Variants in TTLL11 observed in about 807,000 individuals in gnomAD.
The protein encoded by TTLL11 is tubulin tyrosine ligase like 11, also known as tubulin polyglutamylase TTLL11.
Under a neutral mutation model 51.7 loss-of-function variants are expected in TTLL11, and 42 were observed. That is an observed-to-expected ratio of 0.81 (90% CI 0.64 to 1.05). The LOEUF is 1.05. Among genes scored for constraint, TTLL11 ranks in the 50% least tolerant of loss-of-function variants. The probability of loss-of-function intolerance (pLI) is 0.00; values close to 1 mark genes in which losing one functional copy is unlikely to be tolerated. For missense variants in TTLL11, 799 were observed against 940.4 expected (o/e 0.85, Z 1.97); for synonymous variants, 381 against 383.5 (o/e 0.99, Z 0.08).
chr9:121,860,527 T>A (rs1047812731), intron 7 of TTLL11, 84 bp from the exon 8 acceptor site: 3 of 1,108,440 alleles, frequency 2.7e-6, no homozygotes, highest in Non-Finnish European at 3.9e-6. Context: ...AGGGACTGAA[T>A]GTTTGTCCTC....
At chr9:121,886,412 G>A (rs891990447) in intron 6 of TTLL11, among the ~76,000 whole-genome samples, 7 of 152,206 alleles carry the variant, frequency 4.6e-5, no homozygotes, top group African/African-American at 1.7e-4. Context: ...TTATAGGAGA[G>A]AGATAGAGGG....
intron 8 of TTLL11, among the ~76,000 whole-genome samples, chr9:121,846,936 C>T (rs1318973331): frequency 1.3e-5 from 2 of 152,086 alleles, no homozygotes; most frequent in African/African-American, 2.4e-5. Flanking sequence ...CAAGGCCGGG[C>T]CCGGTGGCTC....
Position 121,860,349 on chromosome 9 carries a change from G to A in TTLL11, c.1828C>T (p.Gln610Ter). The change falls in exon 8 of 9, where the codon CAG becomes TAG. Residue 610 changes from glutamine to a stop codon, truncating the protein, a stop_gained. Coordinates refer to ENST00000321582, the MANE Select transcript of TTLL11 (RefSeq NM_001139442.2). LOFTEE classifies it low-confidence loss of function (END_TRUNC). ...TRRWNSMTLDQRDSGMCLQAF... is the reference protein window; with the variant it reads ...TRRWNSMTLD ...ATTTGTCAAATACCTGAGTCCCGCT[G>A]GTCCAGGGTCATGGAGTTCCACCTC... The A allele has an allele frequency of 1.3e-6, 2 of 1,551,280 alleles. No homozygotes were observed. Among genetic ancestry groups the A allele is most frequent in the Non-Finnish European group, 1.7e-6 (2 of 1,146,798 alleles).
intron 6 of TTLL11, among the ~76,000 whole-genome samples, chr9:121,922,470 C>A (rs1840579331): frequency 6.6e-6 from 1 of 152,154 alleles, no homozygotes; most frequent in Non-Finnish European, 1.5e-5. Context: ...TGATAACTAC[C>A]TTGAGAGCAA....
intron 6 of TTLL11, among the ~76,000 whole-genome samples, chr9:121,926,415 A>C (rs757736923): frequency 2.6e-5 from 4 of 152,240 alleles, no homozygotes; most frequent in Non-Finnish European, 4.4e-5. Context: ...GTTCACTGCC[A>C]CAAGGCTTGC....
intron 6 of TTLL11, among the ~76,000 whole-genome samples, chr9:121,887,323 T>G (rs527515904): frequency 1.3e-5 from 2 of 151,572 alleles, no homozygotes; most frequent in South Asian, 4.2e-4. Context: ...GCGGTGAGAG[T>G]GGGTGGAGGT....
At chr9:121,918,168 G>A (rs974444244) in intron 6 of TTLL11, among the ~76,000 whole-genome samples, 1 of 152,186 alleles carries the variant, frequency 6.6e-6, no homozygotes, top group Non-Finnish European at 1.5e-5. Flanking sequence ...GGTTACTGGA[G>A]AGGAATCAGT....
chr9:121,966,245 A>G (rs538322503), intron 6 of TTLL11, among the ~76,000 whole-genome samples: 2 of 152,312 alleles, frequency 1.3e-5, no homozygotes, highest in East Asian at 3.9e-4. Flanking sequence ...TATATAAGTC[A>G]TGTTCCAAAT....
intron 8 of TTLL11, among the ~76,000 whole-genome samples, chr9:121,826,523 ATATATGTGTG>A (rs1836792933): frequency 3.2e-5 from 2 of 63,454 alleles, no homozygotes; most frequent in African/African-American, 1.1e-4. Context: ...ATGTATATAT[ATATATGTGTG>A]TGTGTATATA....
chr9:121,955,846 G>GA (rs1301603332), intron 6 of TTLL11, among the ~76,000 whole-genome samples: 1 of 152,182 alleles, frequency 6.6e-6, no homozygotes, highest in Non-Finnish European at 1.5e-5. Context: ...TTTTCTGAGG[G>GA]AAAATAGAGC....
intron 3 of TTLL11, among the ~76,000 whole-genome samples, chr9:122,001,185 T>C (rs1843452399): frequency 6.6e-6 from 1 of 152,184 alleles, no homozygotes; most frequent in African/African-American, 2.4e-5. Context: ...AACTGCGGCC[T>C]CCGAGGTTCA....
At chr9:121,991,601 A>G (rs1473536072) in intron 3 of TTLL11, among the ~76,000 whole-genome samples, 1 of 152,236 alleles carries the variant, frequency 6.6e-6, no homozygotes, top group Admixed American at 6.5e-5. Flanking sequence ...AGCTTTTGCT[A>G]TGCCGAAGAC....
Position 121,939,164 on chromosome 9 carries a change from GACTGCTGTATAA to G in TTLL11, c.1481+34833_1481+34844del, listed in dbSNP as rs1841349212. 3.3e-5 allele frequency among the ~76,000 whole-genome samples: 5 copies of G among 152,264 alleles called. No homozygotes were observed. The East Asian group carries it at 9.6e-4, about 29-fold the overall frequency. On this transcript the variant is annotated intron_variant, in intron 6 of 8. Transcript: ENST00000321582. ...TAGTAACAGTAACCTAATGAAGAGG[GACTGCTGTATAA>G]TATTTCCTTTAATAAACCCTAGTAT...
At chr9:122,001,705 G>A (rs981985071) in intron 3 of TTLL11, among the ~76,000 whole-genome samples, 3 of 152,030 alleles carry the variant, frequency 2.0e-5, no homozygotes, top group African/African-American at 7.3e-5. Flanking sequence ...AAAGAGAACT[G>A]GCTGGAAACC....
rs1846320145 is a variant in TTLL11, at chr9:122,093,221, C to A, written c.-73G>T. 1 of 1,493,988 alleles carries A rather than the reference C, an allele frequency of 6.7e-7. No homozygotes were observed. Among genetic ancestry groups the A allele is most frequent in the South Asian group, 1.3e-5 (1 of 78,864 alleles). The allele number at this position is 1,493,988 out of a possible 1,614,324, so 92.5% of individuals were successfully genotyped here. A position where few individuals can be genotyped will look rare whatever the true frequency, so the allele number is the denominator to read the frequency against. Reference sequence around the variant, plus strand: ...CCGCTCCGCCGCCCCAGTCCGCCACCAAACTGCCGCCGCTGCAGCCGCTGC... The same window carrying A: ...CCGCTCCGCCGCCCCAGTCCGCCACAAAACTGCCGCCGCTGCAGCCGCTGC... On this transcript the variant is annotated 5_prime_UTR_variant, in exon 1 of 9. Transcript: ENST00000321582.
At chr9:121,832,968 A>G (rs576846183) in intron 8 of TTLL11, among the ~76,000 whole-genome samples, 1 of 152,092 alleles carries the variant, frequency 6.6e-6, no homozygotes, top group South Asian at 2.1e-4. Flanking sequence ...ACAAACAAAC[A>G]AAAACTGGGG....
chr9:122,064,961 A>G (rs948020712), intron 1 of TTLL11, among the ~76,000 whole-genome samples: 2 of 152,182 alleles, frequency 1.3e-5, no homozygotes, highest in Admixed American at 1.3e-4. Flanking sequence ...CCTCCACTGT[A>G]AGATAATGTG....
At chr9:121,937,153 C>T (rs764524054) in intron 6 of TTLL11, among the ~76,000 whole-genome samples, 2 of 152,186 alleles carry the variant, frequency 1.3e-5, no homozygotes, top group African/African-American at 4.8e-5. Context: ...ATGACAACAT[C>T]TGTCAAGTGG....
In TTLL11 at chr9:121,965,614, G is replaced by A. The variant is rs542889542; in HGVS notation, c.1481+8395C>T. On this transcript the variant is annotated intron_variant, in intron 6 of 8. Transcript: ENST00000321582. ...AATTGAGCCCAGAATTTCAACTGGA[G>A]GTCAGCAGTGCACACATGAATGGGC... 3.9e-5 allele frequency among the ~76,000 whole-genome samples: 6 copies of A among 152,258 alleles called. No homozygotes were observed. In the East Asian group the frequency reaches 9.6e-4, roughly 24 times the overall value.
Sources: allele counts gnomAD v4.1 joint callset (sites outside exome capture counted in the v4.1 genomes callset), GRCh38; gene constraint gnomAD v4.1.1; transcripts MANE v1.5; gene names NCBI Gene and HGNC (gene_info 2026-07-23, HGNC 2026-07-21).